The following NCAM2 variants were observed in gnomAD, a reference collection of about 807,000 sequenced individuals.
NCAM2 encodes N-CAM-2.
NCAM2 carries 30 observed loss-of-function variants against 98.1 expected under a neutral mutation model. The ratio of observed to expected loss-of-function variants is 0.31; its 90% CI spans 0.23 to 0.41. NCAM2 has a LOEUF of 0.41. Among genes scored for constraint, NCAM2 ranks in the 10% least tolerant of loss-of-function variants. The pLI, the probability that NCAM2 is intolerant of heterozygous loss-of-function variation, is 1.00. For synonymous variants in NCAM2, 368 were observed against 342.4 expected (o/e 1.07, Z -0.83); for missense variants, 867 against 1,005.8 (o/e 0.86, Z 1.87).
chr21:21,244,873 G>A (rs2071205660), intron 1 of NCAM2, among the ~76,000 whole-genome samples: 2 of 145,218 alleles, frequency 1.4e-5, no homozygotes, highest in African/African-American at 5.1e-5. Context: ...AAGGACATAC[G>A]GTATTACAGC....
intron 16 of NCAM2, among the ~76,000 whole-genome samples, chr21:21,518,784 T>C (rs989565236): frequency 1.3e-5 from 2 of 152,072 alleles, no homozygotes; most frequent in Admixed American, 1.3e-4. Context: ...AGGAACAAAT[T>C]AGTAAGCAAA....
intron 1 of NCAM2, among the ~76,000 whole-genome samples, chr21:21,050,014 A>G (rs1333802359): frequency 6.6e-6 from 1 of 152,174 alleles, no homozygotes; most frequent in Non-Finnish European, 1.5e-5. Flanking sequence ...TAATGGACAC[A>G]CAATTATTAT....
chr21:21,050,624 G>A (rs2065089253), intron 1 of NCAM2, among the ~76,000 whole-genome samples: 1 of 152,104 alleles, frequency 6.6e-6, no homozygotes, highest in Admixed American at 6.6e-5. Flanking sequence ...TTCATCTTCG[G>A]ATTCCCAACA....
chr21:21,497,275 G>A (rs986917), intron 15 of NCAM2, among the ~76,000 whole-genome samples: 60,897 of 151,884 alleles, frequency 0.4, 13,477 homozygotes, highest in Middle Eastern at 0.54. Flanking sequence ...AGGGTGATAT[G>A]ACTTCCAAAC....
chr21:21,201,280 C>G (rs2069210017), intron 1 of NCAM2, among the ~76,000 whole-genome samples: 1 of 151,764 alleles, frequency 6.6e-6, no homozygotes, highest in East Asian at 2.0e-4. Context: ...ATAGTTTATA[C>G]CTAAAGCAGT....
intron 1 of NCAM2, among the ~76,000 whole-genome samples, chr21:21,208,813 T>C (rs2069538310): frequency 6.6e-6 from 1 of 152,208 alleles, no homozygotes; most frequent in Non-Finnish European, 1.5e-5. Flanking sequence ...TGCATCATTT[T>C]ATATCATGCT....
rs576438824 is a variant in NCAM2 at position 21,094,724 on chromosome 21, A to G, written c.55+96106A>G. ...TTTACAGGGATAACTTTCTGCAAGG[A>G]TTTTAGACATGACATTATAGGAAGG... On this transcript the variant is annotated intron_variant, in intron 1 of 17. Transcript: ENST00000400546. 6.6e-5 allele frequency among the ~76,000 whole-genome samples: 10 copies of G among 151,848 alleles called. No individual in the cohort carries two copies. In the South Asian group the frequency reaches 2.1e-3, roughly 31 times the overall value.
intron 14 of NCAM2, among the ~76,000 whole-genome samples, chr21:21,475,175 A>C (rs1028756667): frequency 3.3e-5 from 5 of 152,052 alleles, no homozygotes; most frequent in African/African-American, 1.2e-4. Flanking sequence ...CTGTGTAAAA[A>C]ACTGACACCT....
At chr21:21,038,531 G>A (rs1025967385) in intron 1 of NCAM2, among the ~76,000 whole-genome samples, 2 of 152,042 alleles carry the variant, frequency 1.3e-5, no homozygotes, top group Admixed American at 6.6e-5. Context: ...GAGTTCTTAT[G>A]AGATCTGATG....
intron 1 of NCAM2, among the ~76,000 whole-genome samples, chr21:21,244,180 T>C (rs1313514688): frequency 2.0e-5 from 3 of 152,228 alleles, no homozygotes; most frequent in Admixed American, 2.0e-4. Context: ...TCCTCTTTTA[T>C]TCATCTCCTA....
intron 1 of NCAM2, among the ~76,000 whole-genome samples, chr21:21,254,078 G>A (rs2071571965): frequency 6.6e-6 from 1 of 152,152 alleles, no homozygotes; most frequent in African/African-American, 2.4e-5. Flanking sequence ...ACCAAAACAA[G>A]GGTACAATCT....
At chr21:21,500,989 A>G (rs1338307544) in intron 15 of NCAM2, among the ~76,000 whole-genome samples, 2 of 152,072 alleles carry the variant, frequency 1.3e-5, no homozygotes, top group African/African-American at 2.4e-5. Flanking sequence ...GTGAGCATTT[A>G]ATTTTAAAAA....
At chr21:21,312,921 T>A (rs1414811315) in intron 5 of NCAM2, among the ~76,000 whole-genome samples, 1 of 151,814 alleles carries the variant, frequency 6.6e-6, no homozygotes, top group Non-Finnish European at 1.5e-5. Context: ...ATTATAGGAT[T>A]GTTTTTGTTA....
intron 9 of NCAM2, among the ~76,000 whole-genome samples, chr21:21,408,383 C>G (rs2145904323): frequency 6.6e-6 from 1 of 152,212 alleles, no homozygotes; most frequent in South Asian, 2.1e-4. Flanking sequence ...AAGTTGTTTT[C>G]AGTTTTTGTT....
Position 21,325,288 on chromosome 21 carries a change from A to T in NCAM2, c.737+788A>T, listed in dbSNP as rs559879092. Among the ~76,000 whole-genome samples, 8 of 152,314 alleles carry T rather than the reference A, an allele frequency of 5.3e-5. No individual in the cohort carries two copies. The South Asian group carries it at 1.5e-3, about 28-fold the overall frequency. ...AAAGATTAGTAAAATATACATCAGA[A>T]GTGCAAAAGTGTCCCTACTAAGTAT... On this transcript the variant is annotated intron_variant, in intron 6 of 17. Coordinates refer to ENST00000400546, the MANE Select transcript of NCAM2 (RefSeq NM_004540.5).
In NCAM2 at chr21:21,206,826, A is replaced by G. The variant is rs533230611; in HGVS notation, c.56-73752A>G. ...CATGCATGTATTCAACAGGAACCCA[A>G]TGGAATAATATAAAGTGCTTCTTGG... On this transcript the variant is annotated intron_variant, in intron 1 of 17. Transcript: ENST00000400546. Among the ~76,000 whole-genome samples, 44 of 152,236 alleles carry G rather than the reference A, an allele frequency of 2.9e-4. 1 individual carries two copies. In the South Asian group the frequency reaches 6.8e-3, roughly 24 times the overall value.
intron 1 of NCAM2, among the ~76,000 whole-genome samples, chr21:21,026,755 T>A (rs75473816): frequency 1 from 151,574 of 152,256 alleles, 75,446 homozygotes; most frequent in East Asian, 1. Context: ...ATTTGTTTTT[T>A]CTCATTTTGT....
chr21:21,528,714 A>G (rs916394856), intron 16 of NCAM2, among the ~76,000 whole-genome samples: 34 of 152,304 alleles, frequency 2.2e-4, no homozygotes, highest in African/African-American at 8.2e-4. Context: ...CTTCTAGTAG[A>G]CATATTCACA....
intron 8 of NCAM2, among the ~76,000 whole-genome samples, chr21:21,360,813 T>C (rs2075626142): frequency 6.6e-6 from 1 of 152,000 alleles, no homozygotes. Context: ...TTTTAAGTGG[T>C]CTGTATTTAA....
Sources: gnomAD v4.1 joint callset for allele counts (sites outside exome capture counted in the v4.1 genomes callset) on GRCh38, gnomAD v4.1.1 for gene constraint, MANE v1.5 for transcripts, NCBI Gene and HGNC (gene_info 2026-07-23, HGNC 2026-07-21) for gene names.